Variants in FLNB observed in about 807,000 individuals in gnomAD.
FLNB encodes the protein filamin B.
FLNB carries 111 observed loss-of-function variants against 250.6 expected under a neutral mutation model. That is an observed-to-expected ratio of 0.44 (90% confidence interval 0.38 to 0.52). The LOEUF is 0.52. Ranked by LOEUF, FLNB falls within the 20% of genes least tolerant of loss-of-function variation. FLNB has a pLI of 0.00. For missense variants in FLNB, 2,869 were observed against 3,447.8 expected, an observed-to-expected ratio of 0.83 and a Z score of 4.20; for synonymous variants, 1,302 against 1,372.1, an observed-to-expected ratio of 0.95 and a Z score of 1.13.
chr3:58,008,492 T>C lies in FLNB; in HGVS notation c.-73T>C. The C allele has an allele frequency of 6.6e-7, 1 of 1,513,502 alleles. No individual in the cohort carries two copies. The highest frequency in any genetic ancestry group is 9.0e-7 in the Non-Finnish European group (1 of 1,114,466). 93.8% of individuals were successfully genotyped at this position (1,513,502 alleles called of 1,614,324 possible). A position where few individuals can be genotyped will look rare whatever the true frequency, so the allele number is the denominator to read the frequency against. On this transcript the variant is annotated 5_prime_UTR_variant, in exon 1 of 46. Transcript: ENST00000295956. ...GCTCCCGCTCCGCTTCGGTTCTCGC[T>C]CCTTCGGCCCTTGGGCCTCCAAACA...
chr3:58,150,660 A>T (rs1349990480), intron 38 of FLNB: 2 of 271,396 alleles, frequency 7.4e-6, no homozygotes, highest in Non-Finnish European at 1.4e-5. Context: ...TGTGCTGCAG[A>T]ACTCGCTGGG....
chr3:58,143,678 A>C (rs2097331047), intron 32 of FLNB, 65 bp downstream of exon 32: 1 of 1,595,526 alleles, frequency 6.3e-7, no homozygotes, highest in Admixed American at 1.7e-5. Context: ...GCCTGCAGAC[A>C]CTCCTCAGCC....
chr3:58,154,668 G>A, intron 39 of FLNB, 123 bp from the exon 40 acceptor site: 1 of 1,042,238 alleles, frequency 9.6e-7, no homozygotes, highest in South Asian at 1.3e-5. Flanking sequence ...TCTGCTTGGG[G>A]TTGGAGAAAG....
chr3:58,030,282 C>G lies in FLNB; in HGVS notation c.292+21426C>G, dbSNP rs1052752411. ...CCTTTCAGCTGCAAGGAACTGAAAA[C>G]TGGCTCACATAGAAGGAAAATGATT... On this transcript the variant is annotated intron_variant, in intron 1 of 45. Coordinates refer to ENST00000295956, the MANE Select transcript of FLNB (RefSeq NM_001457.4). 7.9e-5 allele frequency among the ~76,000 whole-genome samples: 12 copies of G among 152,306 alleles called. No individual in the cohort carries two copies. The South Asian group carries it at 2.3e-3, about 29-fold the overall frequency.
At chr3:58,143,352 GC>G in intron 31 of FLNB, 120 bp from the exon 32 acceptor site, 1 of 1,005,460 alleles carries the variant, frequency 9.9e-7, no homozygotes, top group South Asian at 1.4e-5. Context: ...AATGTTTTAG[GC>G]AGCAACGAAT....
At chr3:58,131,182 G>A (rs982522623) in intron 25 of FLNB, among the ~76,000 whole-genome samples, 1 of 152,152 alleles carries the variant, frequency 6.6e-6, no homozygotes, top group African/African-American at 2.4e-5. Flanking sequence ...TAATATGGTG[G>A]CGACTGTTTC....
intron 1 of FLNB, among the ~76,000 whole-genome samples, chr3:58,016,470 A>G (rs549074140): frequency 4.8e-4 from 72 of 149,350 alleles, no homozygotes; most frequent in Non-Finnish European, 8.5e-4. Context: ...CCTTCCTCAT[A>G]TATATATATA....
chr3:58,158,813 G>C (rs1170614541), intron 41 of FLNB, among the ~76,000 whole-genome samples: 1 of 152,092 alleles, frequency 6.6e-6, no homozygotes, highest in Admixed American at 6.5e-5. Flanking sequence ...TTCTTGTGGG[G>C]ATACAACCTC....
At chr3:58,167,114 C>T (rs980517258) in intron 43 of FLNB, among the ~76,000 whole-genome samples, 3 of 152,176 alleles carry the variant, frequency 2.0e-5, no homozygotes, top group Admixed American at 6.5e-5. Flanking sequence ...GGCAACAGAG[C>T]GAGACTCTAT....
At chr3:58,129,519 C>G (rs1340966006) in intron 24 of FLNB, among the ~76,000 whole-genome samples, 1 of 152,174 alleles carries the variant, frequency 6.6e-6, no homozygotes, top group Non-Finnish European at 1.5e-5. Flanking sequence ...AGTAAAGCCC[C>G]CTTTTGTTCC....
chr3:58,142,707 T>G lies in FLNB; in HGVS notation c.5239T>G (p.Phe1747Val). 6.2e-7 allele frequency: 1 copy of G among 1,614,242 alleles called. No individual in the cohort carries two copies. The highest frequency in any genetic ancestry group is 1.1e-5 in the South Asian group (1 of 91,084). Residue 1747 changes from phenylalanine to valine, a missense_variant, in exon 31 of 46, where the codon TTT becomes GTT. Phe to Val is a conservative substitution (Grantham distance 50). This residue lies in a region of FLNB where 1,084 missense variants were observed against 1,315.5 expected (regional missense o/e 0.82). Transcript: ENST00000295956. The surrounding 1 kb of genome is among the most constrained non-coding windows in gnomAD (Gnocchi z 4.3). ...CATGAACGGCCTGGGATTTAAGCCT[T>G]TTGACCTGGTCATTCCGTTTGCTGT... Reference protein sequence around the residue: ...SDMNGLGFKPFDLVIPFAVRK... With the variant: ...SDMNGLGFKPVDLVIPFAVRK...
At chr3:58,091,699 A>C (rs2097227800) in intron 4 of FLNB, among the ~76,000 whole-genome samples, 1 of 152,144 alleles carries the variant, frequency 6.6e-6, no homozygotes, top group South Asian at 2.1e-4. Flanking sequence ...GGTCTGTCTC[A>C]AAGACTCAAC....
At chr3:58,155,569 A>C (rs2097352080) in intron 40 of FLNB, among the ~76,000 whole-genome samples, 1 of 151,966 alleles carries the variant, frequency 6.6e-6, no homozygotes. Flanking sequence ...TGACATAAAA[A>C]TATATGATTT....
intron 43 of FLNB, chr3:58,163,686 A>G (rs951395909): frequency 6.1e-6 from 2 of 325,614 alleles, no homozygotes; most frequent in South Asian, 3.0e-5. Flanking sequence ...AGAATTCATG[A>G]TGCGTCCAAG....
rs886042526 is a variant in FLNB, at chr3:58,112,227, A to G, written c.2654A>G (p.Asn885Ser). The G allele has an allele frequency of 2.5e-6, 4 of 1,614,020 alleles. No homozygotes were observed. The highest frequency in any genetic ancestry group is 3.4e-6 in the Non-Finnish European group (4 of 1,180,004). ...AGKAPLNVQFNSPLPGDAVKD... is the reference protein window; with the variant it reads ...AGKAPLNVQFSSPLPGDAVKD... Reference sequence around the variant, plus strand: ...AAAGCCCCGCTCAACGTGCAGTTCAACAGCCCTCTTCCTGGCGATGCAGTG... The same window carrying G: ...AAAGCCCCGCTCAACGTGCAGTTCAGCAGCCCTCTTCCTGGCGATGCAGTG... Residue 885 changes from asparagine (N) to serine (S), a missense_variant, in exon 18 of 46, where the codon AAC becomes AGC. Around this residue, in one of 5 missense-constraint regions of FLNB, gnomAD observed 1,348 missense variants for 1,466.7 expected, o/e 0.92. Transcript: ENST00000295956.
chr3:58,018,285 C>T (rs940540720), intron 1 of FLNB, among the ~76,000 whole-genome samples: 3 of 148,946 alleles, frequency 2.0e-5, no homozygotes, highest in Non-Finnish European at 4.4e-5. Context: ...AATGAGACAG[C>T]GAACACATCC....
intron 1 of FLNB, among the ~76,000 whole-genome samples, chr3:58,045,204 A>G (rs2097151914): frequency 1.3e-5 from 2 of 152,328 alleles, no homozygotes; most frequent in East Asian, 3.9e-4. Context: ...GAATCATAGT[A>G]TTACTTGCAT....
rs141126093 is a variant in FLNB, at chr3:58,023,777, G to A, written c.292+14921G>A. ...TCTAGAAATATGTTTGGTCAACCAC[G>A]GCATGGAGGTGTTCCAGCCACTTTC... On this transcript the variant is annotated intron_variant, in intron 1 of 45. Coordinates refer to ENST00000295956, the MANE Select transcript of FLNB (RefSeq NM_001457.4). Among the ~76,000 whole-genome samples, 24 of 152,286 alleles carry A rather than the reference G, an allele frequency of 1.6e-4. No homozygotes were observed. The East Asian group carries it at 4.6e-3, about 29-fold the overall frequency.
intron 41 of FLNB, among the ~76,000 whole-genome samples, 195 bp from the exon 42 acceptor site, chr3:58,159,359 G>A (rs2097357932): frequency 6.6e-6 from 1 of 152,174 alleles, no homozygotes; most frequent in African/African-American, 2.4e-5. Flanking sequence ...GTTTGCATAA[G>A]AGACCATGCA....
Sources: gnomAD v4.1 joint callset for allele counts (sites outside exome capture counted in the v4.1 genomes callset) on GRCh38, gnomAD v4.1.1 for gene constraint, gnomAD v4.1.1 regional missense constraint, Gnocchi (gnomAD v3.1) non-coding constraint, MANE v1.5 for transcripts, NCBI Gene and HGNC (gene_info 2026-07-23, HGNC 2026-07-21) for gene names.